The following ABCC3 variants were observed in gnomAD, a reference collection of about 807,000 sequenced individuals.
ABCC3 encodes the protein ATP binding cassette subfamily C member 3.
ABCC3 carries 121 observed loss-of-function variants against 165.3 expected under a neutral mutation model. That is an observed-to-expected ratio of 0.73 (90% CI 0.63 to 0.85). The LOEUF is 0.85. ABCC3 is among the 40% of genes least tolerant of loss of function. ABCC3 has a pLI of 0.00. For missense variants in ABCC3, 1,869 were observed against 1,964.1 expected, an observed-to-expected ratio of 0.95 and a Z score of 0.92; for synonymous variants, 733 against 810.1, an observed-to-expected ratio of 0.90 and a Z score of 1.62.
chr17:50,668,170 G>T (rs1211242349), intron 13 of ABCC3, among the ~76,000 whole-genome samples, 161 bp downstream of exon 13: 1 of 152,166 alleles, frequency 6.6e-6, no homozygotes, highest in Non-Finnish European at 1.5e-5. Flanking sequence ...GGTCATTAAG[G>T]TCAGGGGTCA....
At chr17:50,653,749 A>G (rs1411924021) in intron 1 of ABCC3, among the ~76,000 whole-genome samples, 25 of 132,726 alleles carry the variant, frequency 1.9e-4, no homozygotes, top group Admixed American at 1.9e-3. Flanking sequence ...GTGAAACGCC[A>G]TCTCAAAAGA....
rs1177525794 is a variant in ABCC3, at chr17:50,663,977, C to T, written c.1204C>T (p.Arg402Cys). ...KALVITNSVK[R>C]ASTVGEIVNL... Reference sequence around the variant, plus strand: ...TCTGGTTATCACCAACTCAGTCAAACGTGCGTCCACTGTGGGGGAAATTGT... The same window carrying T: ...TCTGGTTATCACCAACTCAGTCAAATGTGCGTCCACTGTGGGGGAAATTGT... The change falls in exon 10 of 31, where the codon CGT (arginine) becomes TGT (cysteine). Residue 402 changes from arginine (R) to cysteine (C), a missense_variant. Transcript: ENST00000285238. 1.2e-5 allele frequency: 20 copies of T among 1,614,050 alleles called. No individual in the cohort carries two copies. Among genetic ancestry groups the T allele is most frequent in the Non-Finnish European group, 1.5e-5 (18 of 1,180,052 alleles).
chr17:50,655,423 A>AAAAC (rs1202133395), intron 1 of ABCC3, among the ~76,000 whole-genome samples: 10 of 143,732 alleles, frequency 7.0e-5, no homozygotes, highest in Non-Finnish European at 1.2e-4. Context: ...AAAAAAAAAC[A>AAAAC]AAAACAAAAA....
At chr17:50,673,987 T>C in intron 19 of ABCC3, among the ~76,000 whole-genome samples, 1 of 5,070 alleles carries the variant, frequency 2.0e-4, no homozygotes, top group Non-Finnish European at 3.7e-4. Flanking sequence ...TTTCTCTCTC[T>C]CTCTCTCTCT....
chr17:50,647,734 G>A (rs1355401504), intron 1 of ABCC3, among the ~76,000 whole-genome samples: 3 of 152,186 alleles, frequency 2.0e-5, no homozygotes, highest in African/African-American at 4.8e-5. Flanking sequence ...TCTGAAACGG[G>A]TCTATTTAAT....
intron 1 of ABCC3, among the ~76,000 whole-genome samples, chr17:50,641,892 A>T (rs1027889558): frequency 5.9e-5 from 9 of 152,098 alleles, no homozygotes; most frequent in African/African-American, 9.7e-5. Flanking sequence ...CAAAAAAATT[A>T]AAAAATTAGC....
intron 1 of ABCC3, among the ~76,000 whole-genome samples, chr17:50,654,927 A>G (rs1967192673): frequency 8.3e-6 from 1 of 120,812 alleles, no homozygotes; most frequent in Non-Finnish European, 1.8e-5. Flanking sequence ...CTCCATCTCT[A>G]TTAAAAATAC....
chr17:50,642,204 G>A (rs898262892), intron 1 of ABCC3, among the ~76,000 whole-genome samples: 1 of 152,234 alleles, frequency 6.6e-6, no homozygotes, highest in African/African-American at 2.4e-5. Flanking sequence ...GAAAGGCAGG[G>A]ACGGCCAAGA....
rs779787382 is a variant in ABCC3 at position 50,691,148 on chromosome 17, T to C, written c.4532T>C (p.Ile1511Thr). The C allele has an allele frequency of 4.3e-6, 7 of 1,614,198 alleles. No individual in the cohort carries two copies. Among genetic ancestry groups the C allele is most frequent in the African/African-American group, 1.3e-5 (1 of 75,066 alleles). The change falls in exon 31 of 31, where the codon ATT (isoleucine) becomes ACT (threonine). Residue 1511 changes from isoleucine to threonine, a missense_variant. Physicochemically the swap from Ile to Thr is moderately conservative, Grantham distance 89. Coordinates refer to ENST00000285238, the MANE Select transcript of ABCC3 (RefSeq NM_003786.4). ...GAATTTGATTCTCCAGCCAACCTCA[T>C]TGCAGCTAGAGGCATCTTCTACGGG... ...VAEFDSPANL[I>T]AARGIFYGMA...
Position 50,656,739 on chromosome 17 carries a change from A to G in ABCC3, c.260A>G (p.Asp87Gly). Residue 87 changes from aspartate to glycine, a missense_variant, in exon 3 of 31, where the codon GAC (aspartate) becomes GGC (glycine). Physicochemically the swap from Asp to Gly is moderately conservative, Grantham distance 94 (BLOSUM62 -1). Transcript: ENST00000285238. ...CTGCTGTGGTGCGTCTCCTGGGCGG[A>G]CCTTTTTTACTCCTTCCATGGCCTG... Reference protein sequence around the residue: ...GVLLWCVSWADLFYSFHGLVH... With the variant: ...GVLLWCVSWAGLFYSFHGLVH... 1 of 1,613,630 alleles carries G rather than the reference A, an allele frequency of 6.2e-7. No homozygotes were observed. Among genetic ancestry groups the G allele is most frequent in the East Asian group, 2.2e-5 (1 of 44,834 alleles).
rs1421534819 is a variant in ABCC3, at chr17:50,660,634, C to T, written c.807-289C>T. Among the ~76,000 whole-genome samples, 4 of 152,148 alleles carry T rather than the reference C, an allele frequency of 2.6e-5. No individual in the cohort carries two copies. The East Asian group carries it at 5.8e-4, about 22-fold the overall frequency. On this transcript the variant is annotated intron_variant, in intron 7 of 30. Transcript: ENST00000285238. Reference sequence around the variant, plus strand: ...TGATCTTATCTACCTTCCCTCTTGGCGTCCTCCCTGGAGCCAGCACTGGGG... The same window carrying T: ...TGATCTTATCTACCTTCCCTCTTGGTGTCCTCCCTGGAGCCAGCACTGGGG...
chr17:50,658,692 G>T (rs1327157262), intron 6 of ABCC3, 196 bp downstream of exon 6: 2 of 657,248 alleles, frequency 3.0e-6, no homozygotes, highest in Non-Finnish European at 5.3e-6. Flanking sequence ...GCCTGGCCCA[G>T]TGCCGCCCCC....
intron 16 of ABCC3, 22 bp from the exon 17 acceptor site, chr17:50,669,330 G>A: frequency 6.2e-7 from 1 of 1,614,180 alleles, no homozygotes; most frequent in Non-Finnish European, 8.5e-7. Context: ...CAAGCCCCGA[G>A]GTAAATTTCT....
intron 1 of ABCC3, chr17:50,643,546 C>G: frequency 2.2e-6 from 1 of 456,344 alleles, no homozygotes; most frequent in South Asian, 1.5e-5. Context: ...ACTGTATCTG[C>G]AGAACCCAGC....
intron 19 of ABCC3, 69 bp downstream of exon 19, chr17:50,673,727 T>G (rs1967701404): frequency 5.2e-6 from 8 of 1,527,716 alleles, no homozygotes; most frequent in African/African-American, 1.4e-5. Flanking sequence ...GGTCTCTGAG[T>G]GTGTCTAGAC....
At chr17:50,642,495 A>G (rs191722662) in intron 1 of ABCC3, among the ~76,000 whole-genome samples, 1 of 152,318 alleles carries the variant, frequency 6.6e-6, no homozygotes. Flanking sequence ...CACGGGCCTG[A>G]CAGCTGGAGG....
intron 1 of ABCC3, among the ~76,000 whole-genome samples, chr17:50,651,498 G>A (rs1383327854): frequency 6.6e-6 from 1 of 152,134 alleles, no homozygotes; most frequent in Non-Finnish European, 1.5e-5. Flanking sequence ...TGAGGCAGGT[G>A]GAACACTTGA....
chr17:50,657,943 C>G, intron 4 of ABCC3, 139 bp from the exon 5 acceptor site: 1 of 1,188,146 alleles, frequency 8.4e-7, no homozygotes, highest in Admixed American at 2.2e-5. Flanking sequence ...TCTCAGAGTC[C>G]TCTGAGTGGG....
At chr17:50,674,902 C>A (rs150774635) in intron 19 of ABCC3, among the ~76,000 whole-genome samples, 25 of 150,888 alleles carry the variant, frequency 1.7e-4, no homozygotes, top group African/African-American at 5.9e-4. Flanking sequence ...TGGGTTCAAG[C>A]GATTCTCCTG....
Sources: allele counts gnomAD v4.1 joint callset (sites outside exome capture counted in the v4.1 genomes callset), GRCh38; gene constraint gnomAD v4.1.1; transcripts MANE v1.5; gene names NCBI Gene and HGNC (gene_info 2026-07-23, HGNC 2026-07-21).